Variants in HDAC4 observed in about 807,000 individuals in gnomAD.
HDAC4 encodes histone deacetylase A.
A neutral mutation model predicts 135.1 loss-of-function variants in HDAC4; 16 were observed. The observed-to-expected ratio is 0.12, with a 90% CI of 0.08 to 0.18. The LOEUF (loss-of-function observed/expected upper bound fraction) is 0.18, where lower values mean the gene tolerates loss of function less well. HDAC4 is among the 10% of genes least tolerant of loss of function. The pLI is 1.00. For synonymous variants in HDAC4, 685 were observed against 653.4 expected (o/e 1.05, Z -0.74); for missense variants, 1,143 against 1,511.8 (o/e 0.76, Z 4.05).
At chr2:239,244,923 C>A (rs541750371) in intron 2 of HDAC4, among the ~76,000 whole-genome samples, 1 of 152,314 alleles carries the variant, frequency 6.6e-6, no homozygotes, top group Admixed American at 6.5e-5. Flanking sequence ...CTGCTTATAG[C>A]CTCGAGCATC....
At chr2:239,327,568 T>C (rs890622213) in intron 2 of HDAC4, among the ~76,000 whole-genome samples, 12 of 152,366 alleles carry the variant, frequency 7.9e-5, no homozygotes, top group Admixed American at 3.9e-4. Context: ...CCACAGTTTA[T>C]GTGCATAGGC....
At chr2:239,372,308 C>T (rs758469802) in intron 1 of HDAC4, among the ~76,000 whole-genome samples, 15 of 152,196 alleles carry the variant, frequency 9.9e-5, no homozygotes, top group South Asian at 2.1e-4. Context: ...TCCCCATCCC[C>T]GGGCCCTCCT....
chr2:239,345,510 T>C (rs1692551840), intron 2 of HDAC4, among the ~76,000 whole-genome samples: 1 of 151,648 alleles, frequency 6.6e-6, no homozygotes, highest in African/African-American at 2.4e-5. Context: ...CTGAGGTGCA[T>C]ACCACCACAC....
chr2:239,136,837 C>T (rs552374839), intron 9 of HDAC4, among the ~76,000 whole-genome samples: 6 of 152,164 alleles, frequency 3.9e-5, no homozygotes, highest in East Asian at 1.9e-4. Flanking sequence ...ACAGAAAGCC[C>T]GGCCTTCTCA....
At chr2:239,278,964 T>C (rs576516682) in intron 2 of HDAC4, among the ~76,000 whole-genome samples, 21 of 152,292 alleles carry the variant, frequency 1.4e-4, no homozygotes, top group Non-Finnish European at 2.2e-4. Flanking sequence ...TGTCAGACCC[T>C]ATCTCTTCCA....
chr2:239,065,887 C>T (rs540357407), intron 24 of HDAC4, among the ~76,000 whole-genome samples: 15 of 152,380 alleles, frequency 9.8e-5, no homozygotes, highest in African/African-American at 2.9e-4. Flanking sequence ...TCTGGACTCA[C>T]ACCCAAAACC....
intron 2 of HDAC4, among the ~76,000 whole-genome samples, chr2:239,244,044 G>T (rs2048337768): frequency 6.6e-6 from 1 of 152,074 alleles, no homozygotes; most frequent in Admixed American, 6.6e-5. Flanking sequence ...CTTCAACTGG[G>T]GTTTGTCCCA....
intron 1 of HDAC4, among the ~76,000 whole-genome samples, chr2:239,374,604 C>T (rs1473467349): frequency 1.3e-5 from 2 of 150,916 alleles, no homozygotes; most frequent in East Asian, 1.9e-4. Context: ...GGGGTTTCAC[C>T]GTTTTAGCCA....
intron 18 of HDAC4, chr2:239,089,755 T>A: frequency 2.4e-6 from 1 of 412,078 alleles, no homozygotes. Context: ...AGAGTATAAA[T>A]TTTTAAGAGT....
At chr2:239,193,663 G>T (rs535142254) in intron 3 of HDAC4, among the ~76,000 whole-genome samples, 1 of 152,376 alleles carries the variant, frequency 6.6e-6, no homozygotes, top group African/African-American at 2.4e-5. Flanking sequence ...TTGGGGCCGG[G>T]AGAGCAGCCA....
intron 6 of HDAC4, among the ~76,000 whole-genome samples, chr2:239,162,566 G>C (rs185075577): frequency 6.6e-6 from 1 of 152,220 alleles, no homozygotes; most frequent in African/African-American, 2.4e-5. Context: ...GGTTGCCAGC[G>C]ATTCTCAGGA....
chr2:239,073,895 A>G (rs1403034195), intron 22 of HDAC4, among the ~76,000 whole-genome samples: 1 of 152,132 alleles, frequency 6.6e-6, no homozygotes, highest in Non-Finnish European at 1.5e-5. Context: ...CACTGGCCCC[A>G]CAGTCCTTTC....
At chr2:239,260,933 G>A (rs779850377) in intron 2 of HDAC4, among the ~76,000 whole-genome samples, 5 of 152,158 alleles carry the variant, frequency 3.3e-5, no homozygotes, top group Non-Finnish European at 2.9e-5. Context: ...AGCTTCCTAC[G>A]TGGAAGATGA....
At chr2:239,316,724 A>G (rs2053128588) in intron 2 of HDAC4, among the ~76,000 whole-genome samples, 1 of 152,162 alleles carries the variant, frequency 6.6e-6, no homozygotes, top group Non-Finnish European at 1.5e-5. Flanking sequence ...CCTGTAGGAC[A>G]TTCTTTCCGT....
intron 24 of HDAC4, among the ~76,000 whole-genome samples, chr2:239,066,090 G>C (rs2033436902): frequency 6.6e-6 from 1 of 152,074 alleles, no homozygotes; most frequent in Non-Finnish European, 1.5e-5. Context: ...GGGAGGCCCG[G>C]GCCCCAGCGT....
At chr2:239,081,013 C>G (rs2035264258) in intron 22 of HDAC4, 82 bp downstream of exon 22, 10 of 1,071,698 alleles carry the variant, frequency 9.3e-6, no homozygotes, top group Non-Finnish European at 1.4e-5. Flanking sequence ...CAGACACGCT[C>G]ATCTCCAACA....
rs3816377 is a variant in HDAC4, at chr2:239,156,609, C to A, written c.733+43G>T. 5.6e-4 allele frequency: 907 copies of A among 1,613,680 alleles called. 17 individuals are homozygous for A. The East Asian group carries it at 0.019, about 34-fold the overall frequency. The stretch of plus-strand genomic sequence containing the variant: ...CGTGGCTTGTGGCGTGGAAGGTGCC[C>A]GTGCAGGAGACCTCCCGGCCCACAG... On this transcript the variant is annotated intron_variant, in intron 7 of 26. Transcript: ENST00000543185.
chr2:239,162,015 A>G (rs1020764913), intron 6 of HDAC4: 2 of 422,290 alleles, frequency 4.7e-6, no homozygotes, highest in Non-Finnish European at 9.6e-6. Flanking sequence ...CCCCCCGTCC[A>G]CTGTCCACTG....
At chr2:239,075,213 G>C (rs1190048159) in intron 22 of HDAC4, among the ~76,000 whole-genome samples, 8 of 96,572 alleles carry the variant, frequency 8.3e-5, no homozygotes, top group African/African-American at 3.4e-4. Context: ...GACAGAATGA[G>C]ACTCCGTCTC....
Sources: allele counts gnomAD v4.1 joint callset (sites outside exome capture counted in the v4.1 genomes callset), GRCh38; gene constraint gnomAD v4.1.1; transcripts MANE v1.5; gene names NCBI Gene and HGNC (gene_info 2026-07-23, HGNC 2026-07-21).